Variants in PIWIL1 observed in about 807,000 individuals in gnomAD.
PIWIL1 encodes piwi-like protein 1.
PIWIL1 carries 73 observed loss-of-function variants against 114.4 expected under a neutral mutation model. The observed-to-expected ratio is 0.64, with a 90% CI of 0.53 to 0.78. The LOEUF is 0.78. Ranked by LOEUF, PIWIL1 falls within the 30% of genes least tolerant of loss-of-function variation. The pLI, the probability that PIWIL1 is intolerant of heterozygous loss-of-function variation, is 0.00. For missense variants in PIWIL1, 723 were observed against 1,063.1 expected (o/e 0.68, Z 4.45); for synonymous variants, 375 against 369.0 (o/e 1.02, Z -0.19).
chr12:130,352,548 A>G (rs535925351), intron 9 of PIWIL1, among the ~76,000 whole-genome samples: 1 of 152,236 alleles, frequency 6.6e-6, no homozygotes, highest in South Asian at 2.1e-4. Context: ...GTGTGGTGGC[A>G]TATGCCTGTA....
chr12:130,423,002 A>G, the PIWIL1 span, among the ~76,000 whole-genome samples: 1 of 152,156 alleles, frequency 6.6e-6, no homozygotes, highest in East Asian at 1.9e-4. Flanking sequence ...TAAAAGTCGT[A>G]TGTGAGGTTT....
At chr12:130,340,749 G>A (rs534982805) in intron 1 of PIWIL1, among the ~76,000 whole-genome samples, 83 of 152,088 alleles carry the variant, frequency 5.5e-4, no homozygotes, top group South Asian at 1.2e-3. Flanking sequence ...AGTATGCCCC[G>A]TGTGTAAGCC....
intron 3 of PIWIL1, among the ~76,000 whole-genome samples, chr12:130,343,635 T>C (rs887296343): frequency 4.0e-5 from 6 of 148,636 alleles, no homozygotes; most frequent in Non-Finnish European, 3.0e-5. Context: ...TTTTTTTTTT[T>C]TTTTTTTTGA....
chr12:130,367,460 A>G lies in PIWIL1; in HGVS notation c.2321+202A>G, dbSNP rs7971911. Among the ~76,000 whole-genome samples the G allele has an allele frequency of 0.078, 11,825 of 152,264 alleles. 1,480 individuals are homozygous for G. The highest frequency in any genetic ancestry group is 0.27 in the African/African-American group (11,154 of 41,502). ...TGTCTGAACAGAGGTTTCCAAGTACAGTTTTTCATTGGGGGAAAGAGGATT... is the reference window on the plus strand; with the variant it reads ...TGTCTGAACAGAGGTTTCCAAGTACGGTTTTTCATTGGGGGAAAGAGGATT... On this transcript the variant is annotated intron_variant, in intron 19 of 20. Coordinates refer to ENST00000245255, the MANE Select transcript of PIWIL1 (RefSeq NM_004764.5).
At chr12:130,355,429 C>A in intron 11 of PIWIL1, 124 bp from the exon 12 acceptor site, 1 of 741,436 alleles carries the variant, frequency 1.3e-6, no homozygotes, top group Non-Finnish European at 2.4e-6. Context: ...CTGGCATTCT[C>A]ACCAGCGCCT....
chr12:130,371,155 G>T (rs751712473), intron 19 of PIWIL1, 21 bp from the exon 20 acceptor site: 2 of 1,609,932 alleles, frequency 1.2e-6, no homozygotes, highest in Non-Finnish European at 1.7e-6. Context: ...CAGCACATCC[G>T]TGTGTTTTCT....
intron 9 of PIWIL1, chr12:130,351,798 AT>A (rs1353592970): frequency 2.0e-5 from 3 of 151,996 alleles, no homozygotes; most frequent in Non-Finnish European, 4.4e-5. Flanking sequence ...TCCAGGCCCT[AT>A]TTTTATAATT....
the PIWIL1 span, chr12:130,397,787 G>A: frequency 1.2e-5 from 4 of 329,852 alleles, no homozygotes; most frequent in South Asian, 1.6e-4. Context: ...CGGGGTGGCC[G>A]TTGCTTTGGC....
At chr12:130,359,834 A>T (rs1159389538) in intron 14 of PIWIL1, among the ~76,000 whole-genome samples, 1 of 152,240 alleles carries the variant, frequency 6.6e-6, no homozygotes, top group Non-Finnish European at 1.5e-5. Flanking sequence ...GTGGTAAGGA[A>T]AATTATGATA....
chr12:130,342,493 C>A, intron 1 of PIWIL1, 87 bp from the exon 2 acceptor site: 1 of 778,732 alleles, frequency 1.3e-6, no homozygotes, highest in Non-Finnish European at 2.2e-6. Flanking sequence ...ACTTTTGAAA[C>A]TCAAAGAAGT....
intron 3 of PIWIL1, among the ~76,000 whole-genome samples, chr12:130,343,816 A>G (rs922979910): frequency 2.6e-5 from 4 of 151,856 alleles, no homozygotes; most frequent in African/African-American, 9.7e-5. Context: ...TTTAGTAGAG[A>G]TGGGGTTTCA....
intron 9 of PIWIL1, among the ~76,000 whole-genome samples, chr12:130,353,975 A>G (rs1313902245): frequency 6.6e-6 from 1 of 152,124 alleles, no homozygotes; most frequent in East Asian, 1.9e-4. Flanking sequence ...CAAATTGTCA[A>G]CGCTTATTTT....
chr12:130,348,148 T>C lies in PIWIL1; in HGVS notation c.699T>C (p.Tyr233=), dbSNP rs2136139328. The C allele has an allele frequency of 1.2e-5, 19 of 1,609,102 alleles. No individual in the cohort carries two copies. Among genetic ancestry groups the C allele is most frequent in the Non-Finnish European group, 1.6e-5 (19 of 1,175,872 alleles). ...TGCAACAAATTGGACGAAATTATTA[T>C]AACCCAAATGACCCAATTGATATTC... ...MNLQQIGRNY[Y]NPNDPIDIPS... Residue 233 remains tyrosine, a synonymous_variant, in exon 7 of 21, where the codon TAT becomes TAC. Transcript: ENST00000245255.
chr12:130,368,379 G>A (rs1257761993), intron 19 of PIWIL1, among the ~76,000 whole-genome samples: 4 of 152,102 alleles, frequency 2.6e-5, no homozygotes, highest in South Asian at 4.1e-4. Flanking sequence ...ATACTATAGC[G>A]ACTTTAGGTG....
the PIWIL1 span, among the ~76,000 whole-genome samples, chr12:130,399,434 C>T: frequency 5.3e-5 from 8 of 152,028 alleles, no homozygotes; most frequent in African/African-American, 1.9e-4. Context: ...TAGGATGGGA[C>T]ATTTCTTTGT....
At chr12:130,391,945 C>T in the PIWIL1 span, among the ~76,000 whole-genome samples, 3 of 152,276 alleles carry the variant, frequency 2.0e-5, no homozygotes, top group African/African-American at 7.2e-5. Context: ...GACCCGGTCA[C>T]TGTCATCACG....
the PIWIL1 span, chr12:130,422,620 C>T: frequency 1.8e-5 from 22 of 1,237,604 alleles, no homozygotes; most frequent in Non-Finnish European, 2.3e-5. The surrounding 1 kb of genome is among the most constrained non-coding windows in gnomAD (Gnocchi z 5.2). Flanking sequence ...CTGAAGAATT[C>T]AGTTAGCCAA....
chr12:130,407,916 C>A, the PIWIL1 span: 2 of 1,199,726 alleles, frequency 1.7e-6, no homozygotes, highest in South Asian at 1.2e-5. Context: ...CACACATGGC[C>A]AATACAGCCG....
At chr12:130,390,792 C>T in the PIWIL1 span, among the ~76,000 whole-genome samples, 1 of 152,162 alleles carries the variant, frequency 6.6e-6, no homozygotes, top group Non-Finnish European at 1.5e-5. Context: ...TTCTTTCTCT[C>T]CTCTCAAACA....
Sources: gnomAD v4.1 joint callset for allele counts (sites outside exome capture counted in the v4.1 genomes callset) on GRCh38, gnomAD v4.1.1 for gene constraint, Gnocchi (gnomAD v3.1) non-coding constraint, MANE v1.5 for transcripts, NCBI Gene and HGNC (gene_info 2026-07-23, HGNC 2026-07-21) for gene names.